Variants in ZNF592 observed in about 807,000 individuals in gnomAD.
ZNF592 encodes the protein spinocerebellar ataxia, autosomal recessive 5.
Under a neutral mutation model 80.3 loss-of-function variants are expected in ZNF592, and 11 were observed. That is an observed-to-expected ratio of 0.14 (90% CI 0.09 to 0.23). The LOEUF (loss-of-function observed/expected upper bound fraction) is 0.23. Ranked by LOEUF, ZNF592 falls within the 10% of genes least tolerant of loss-of-function variation. The probability of loss-of-function intolerance (pLI) is 1.00; values close to 1 mark genes in which losing one functional copy is unlikely to be tolerated. For missense variants in ZNF592, 1,420 were observed against 1,633.9 expected (o/e 0.87, Z 2.26); for synonymous variants, 646 against 640.3 (o/e 1.01, Z -0.13).
Position 84,758,920 on chromosome 15 carries a change from T to C in ZNF592, c.-258-5787T>C, listed in dbSNP as rs554914782. 2.0e-4 allele frequency among the ~76,000 whole-genome samples: 31 copies of C among 152,226 alleles called. No individual in the cohort carries two copies. In the South Asian group the frequency reaches 6.4e-3, roughly 32 times the overall value. ...CAGTCTAGGTGACAGAGTGGGACTT[T>C]GTCTCTAACTAACTAAATAAGTAAA... is the stretch of plus-strand genomic sequence containing the variant. On this transcript the variant is annotated intron_variant, in intron 1 of 10. Coordinates refer to ENST00000560079, the MANE Select transcript of ZNF592 (RefSeq NM_014630.3).
At chr15:84,792,243 G>A (rs1189659774) in intron 5 of ZNF592, among the ~76,000 whole-genome samples, 1 of 151,190 alleles carries the variant, frequency 6.6e-6, no homozygotes, top group Admixed American at 6.6e-5. Context: ...GAGGGATGAG[G>A]AGTTTGGCAG....
intron 3 of ZNF592, among the ~76,000 whole-genome samples, chr15:84,780,057 A>T (rs1261092523): frequency 1.4e-5 from 2 of 142,822 alleles, no homozygotes; most frequent in Non-Finnish European, 3.0e-5. Flanking sequence ...CAAGATCTCG[A>T]CTCACTGCAA....
In ZNF592 at chr15:84,799,286, G is replaced by C. The variant is rs1963026158; in HGVS notation, c.3137+76G>C. 1 of 1,392,300 alleles carries C rather than the reference G, an allele frequency of 7.2e-7. No homozygotes were observed. The highest frequency in any genetic ancestry group is 1.0e-6 in the Non-Finnish European group (1 of 978,406). The allele number at this position is 1,392,300 out of a possible 1,614,324, so 86.2% of individuals were successfully genotyped here. On this transcript the variant is annotated intron_variant, in intron 9 of 10. Coordinates refer to ENST00000560079, the MANE Select transcript of ZNF592 (RefSeq NM_014630.3). The surrounding 1 kb of genome is among the most constrained non-coding windows in gnomAD (Gnocchi z 4.2). ...TCCGTGGCACCACTGGGGCTTTTCT[G>C]TGCTGCAAGATCAGGTGTCTAAGAC...
chr15:84,758,078 T>C (rs1899232630), intron 1 of ZNF592, among the ~76,000 whole-genome samples: 2 of 151,942 alleles, frequency 1.3e-5, no homozygotes, highest in Admixed American at 6.6e-5. Context: ...GTTAAAGGAA[T>C]TCTCCTGCCT....
chr15:84,774,972 G>C (rs1263885189), intron 2 of ZNF592, among the ~76,000 whole-genome samples: 3 of 152,006 alleles, frequency 2.0e-5, no homozygotes, highest in African/African-American at 7.3e-5. Flanking sequence ...GTAGGGACAG[G>C]GTTTTGCCAT....
chr15:84,767,353 C>T (rs979839052), intron 2 of ZNF592, among the ~76,000 whole-genome samples: 6 of 152,120 alleles, frequency 3.9e-5, no homozygotes, highest in East Asian at 1.9e-4. Flanking sequence ...TCCTTTGCGT[C>T]GGAAGTTGAG....
chr15:84,794,132 C>T (rs542999261), intron 5 of ZNF592, among the ~76,000 whole-genome samples: 2 of 152,208 alleles, frequency 1.3e-5, no homozygotes, highest in South Asian at 2.1e-4. Context: ...AGGAGAAATA[C>T]CTAATGTAGA....
At chr15:84,773,857 C>T (rs1962164587) in intron 2 of ZNF592, among the ~76,000 whole-genome samples, 1 of 152,080 alleles carries the variant, frequency 6.6e-6, no homozygotes, top group African/African-American at 2.4e-5. Context: ...GTATGTTTTT[C>T]TTGAGGTATG....
chr15:84,784,196 C>G lies in ZNF592; in HGVS notation c.1521C>G (p.Asn507Lys). The change falls in exon 4 of 11, where the codon AAC (asparagine) becomes AAG (lysine). Residue 507 changes from asparagine (N) to lysine (K), a missense_variant. Physicochemically the swap from Asn to Lys is moderately conservative, Grantham distance 94. Coordinates refer to ENST00000560079, the MANE Select transcript of ZNF592 (RefSeq NM_014630.3). This position sits in a 1 kb window ranked among gnomAD's most constrained non-coding sequence, Gnocchi z 5.8. ...TGCCCAAAGCCGTGCACTTGGCCAA[C>G]CTGAACCTCGTCCCCCACAGTGTTG... is the stretch of plus-strand genomic sequence containing the variant. ...NLLPKAVHLA[N>K]LNLVPHSVAA... The G allele has an allele frequency of 6.2e-7, 1 of 1,614,218 alleles. No homozygotes were observed. Among genetic ancestry groups the G allele is most frequent in the Middle Eastern group, 1.6e-4 (1 of 6,062 alleles).
chr15:84,764,183 C>G (rs1283556496), intron 1 of ZNF592, among the ~76,000 whole-genome samples: 1 of 152,182 alleles, frequency 6.6e-6, no homozygotes, highest in Non-Finnish European at 1.5e-5. Context: ...GAGGGGTAAA[C>G]TAAACCCGGC....
intron 4 of ZNF592, among the ~76,000 whole-genome samples, chr15:84,787,823 G>GGGGC (rs1185871578): frequency 6.6e-6 from 1 of 152,176 alleles, no homozygotes; most frequent in Non-Finnish European, 1.5e-5. Context: ...ATCTGAACAT[G>GGGGC]GGGCTATACA....
intron 5 of ZNF592, among the ~76,000 whole-genome samples, chr15:84,795,509 G>A (rs1363540217): frequency 6.6e-6 from 1 of 152,228 alleles, no homozygotes; most frequent in Non-Finnish European, 1.5e-5. Flanking sequence ...GTTTTCAGTA[G>A]CATTCGAAAA....
At position 84,784,656 on chromosome 15, in the gene ZNF592, A is replaced by G; in HGVS notation, c.1981A>G (p.Met661Val). Residue 661 changes from methionine to valine, a missense_variant, in exon 4 of 11, where the codon ATG (methionine) becomes GTG (valine). By Grantham distance (21) the Met-to-Val change is conservative. Around this residue, in one of 7 missense-constraint regions of ZNF592, gnomAD observed 524 missense variants for 628.3 expected, o/e 0.83. Coordinates refer to ENST00000560079, the MANE Select transcript of ZNF592 (RefSeq NM_014630.3). The surrounding 1 kb of genome is among the most constrained non-coding windows in gnomAD (Gnocchi z 5.8). The stretch of plus-strand genomic sequence containing the variant: ...GGTGAAGCCTATCTCTGCGGACCAA[A>G]TGTTCGTGTCGGCCCCTGTGAACTC... The part of the protein sequence containing the change: ...LLVKPISADQ[M>V]FVSAPVNSTA... The G allele has an allele frequency of 1.2e-6, 2 of 1,613,944 alleles. No individual in the cohort carries two copies. The highest frequency in any genetic ancestry group is 1.7e-6 in the Non-Finnish European group (2 of 1,179,976).
intron 3 of ZNF592, among the ~76,000 whole-genome samples, chr15:84,781,617 C>G (rs914676985): frequency 3.3e-5 from 5 of 152,136 alleles, no homozygotes; most frequent in African/African-American, 1.2e-4. Flanking sequence ...CAATCTGCAT[C>G]CAGAAAGGTT....
At position 84,803,357 on chromosome 15, in the gene ZNF592, G is replaced by C. The variant is rs1963154989; in HGVS notation, c.*964G>C. 1 of 152,564 alleles carries C rather than the reference G, an allele frequency of 6.6e-6. No individual in the cohort carries two copies. Among genetic ancestry groups the C allele is most frequent in the African/African-American group, 2.4e-5 (1 of 41,412 alleles). The allele number at this position is 152,564 out of a possible 1,614,324, so 9.5% of individuals were successfully genotyped here. On this transcript the variant is annotated 3_prime_UTR_variant, in exon 11 of 11. Transcript: ENST00000560079. ...CTGGCCCCACCCTATTCCACCCAAG[G>C]GTCTTTCCCAGACTTCCCCTGTTTG...
rs756945249 is a variant in ZNF592, at chr15:84,802,283, G to A, written c.3694G>A (p.Ala1232Thr). The A allele has an allele frequency of 6.2e-6, 10 of 1,612,426 alleles. No homozygotes were observed. The African/African-American group carries it at 1.1e-4, about 17-fold the overall frequency. The change falls in exon 11 of 11, where the codon GCG (alanine) becomes ACG (threonine). Residue 1232 changes from alanine to threonine, a missense_variant. Coordinates refer to ENST00000560079, the MANE Select transcript of ZNF592 (RefSeq NM_014630.3). The stretch of plus-strand genomic sequence containing the variant: ...TGAGCCTTTGTCAGCTGACCCAGAG[G>A]CGAGGAGATTGCTGGGCCCGGCCCC... ...AGEPLSADPE[A>T]RRLLGPAPED...
intron 3 of ZNF592, among the ~76,000 whole-genome samples, chr15:84,781,581 C>T (rs1796313962): frequency 6.6e-6 from 1 of 152,132 alleles, no homozygotes; most frequent in South Asian, 2.1e-4. Context: ...ATGAAGCTAC[C>T]ATACTGCTTT....
Position 84,782,857 on chromosome 15 carries a change from C to A in ZNF592, c.182C>A (p.Pro61His). Reference protein sequence around the residue: ...SVSLSHSGSAPDVPAVSVIVK... With the variant: ...SVSLSHSGSAHDVPAVSVIVK... The stretch of plus-strand genomic sequence containing the variant: ...TCCTTGTCTCACTCAGGATCAGCCC[C>A]CGATGTGCCGGCCGTGAGTGTCATT... Residue 61 changes from proline to histidine, a missense_variant, in exon 4 of 11, where the codon CCC becomes CAC. Around this residue, in one of 7 missense-constraint regions of ZNF592, gnomAD observed 373 missense variants for 355.5 expected, o/e 1.05. Coordinates refer to ENST00000560079, the MANE Select transcript of ZNF592 (RefSeq NM_014630.3). The A allele has an allele frequency of 6.2e-7, 1 of 1,614,146 alleles. No individual in the cohort carries two copies. Among genetic ancestry groups the A allele is most frequent in the Non-Finnish European group, 8.5e-7 (1 of 1,180,036 alleles).
chr15:84,788,489 C>T (rs771975901), intron 4 of ZNF592, among the ~76,000 whole-genome samples: 2 of 152,094 alleles, frequency 1.3e-5, no homozygotes, highest in Non-Finnish European at 2.9e-5. Flanking sequence ...ATTAACAGTT[C>T]TCAGAGTTGT....
Sources: allele counts gnomAD v4.1 joint callset (sites outside exome capture counted in the v4.1 genomes callset), GRCh38; gene constraint gnomAD v4.1.1; regional missense constraint gnomAD v4.1.1; non-coding constraint Gnocchi (gnomAD v3.1); transcripts MANE v1.5; gene names NCBI Gene and HGNC (gene_info 2026-07-23, HGNC 2026-07-21).